SHANK2: variants seen among roughly 807,000 people sequenced by gnomAD.
SHANK2 encodes SH3 and multiple ankyrin repeat domains protein 2.
Under a neutral mutation model 133.7 loss-of-function variants are expected in SHANK2, and 43 were observed. The ratio of observed to expected loss-of-function variants is 0.32; its 90% CI spans 0.25 to 0.41. The LOEUF is 0.41. SHANK2 is among the 10% of genes least tolerant of loss of function. The pLI, the probability that SHANK2 is intolerant of heterozygous loss-of-function variation, is 1.00. For missense variants in SHANK2, 1,994 were observed against 2,235.8 expected (o/e 0.89, Z 2.18); for synonymous variants, 1,017 against 952.8 (o/e 1.07, Z -1.24).
chr11:70,708,337 C>A (rs916227505), intron 14 of SHANK2, among the ~76,000 whole-genome samples: 4 of 152,036 alleles, frequency 2.6e-5, no homozygotes, highest in African/African-American at 9.7e-5. Flanking sequence ...GCCCTGGACA[C>A]TGCATTTCTC....
chr11:71,236,797 T>C (rs1373120591), intron 1 of SHANK2, among the ~76,000 whole-genome samples: 6 of 152,218 alleles, frequency 3.9e-5, no homozygotes, highest in Non-Finnish European at 7.3e-5. Flanking sequence ...GCCTGGTTGA[T>C]AGAGCGAGAC....
chr11:70,547,222 T>C (rs1409819589), intron 17 of SHANK2, among the ~76,000 whole-genome samples: 1 of 152,210 alleles, frequency 6.6e-6, no homozygotes. Context: ...AATATTCTGC[T>C]ACTCCCCTAC....
At chr11:71,148,683 C>T (rs1185104948) in intron 2 of SHANK2, among the ~76,000 whole-genome samples, 1 of 152,174 alleles carries the variant, frequency 6.6e-6, no homozygotes, top group African/African-American at 2.4e-5. Context: ...GTTTAGGGAC[C>T]CCTTGATCAA....
intron 14 of SHANK2, among the ~76,000 whole-genome samples, chr11:70,721,724 C>A (rs934035626): frequency 1.3e-5 from 2 of 152,250 alleles, no homozygotes; most frequent in Non-Finnish European, 2.9e-5. Flanking sequence ...AGTTACCCTG[C>A]ATGCAGGACT....
chr11:70,952,874 T>C (rs1590869619), intron 10 of SHANK2: 1 of 341,512 alleles, frequency 2.9e-6, no homozygotes, highest in Non-Finnish European at 6.4e-6. Context: ...AAACCTTCCA[T>C]GCAGTCCTGT....
intron 22 of SHANK2, 142 bp from the exon 23 acceptor site, chr11:70,490,529 C>A: frequency 1.4e-6 from 1 of 731,292 alleles, no homozygotes. Flanking sequence ...TCCAGTGGGG[C>A]TGATGAGAAC....
intron 2 of SHANK2, among the ~76,000 whole-genome samples, chr11:71,216,711 G>A (rs77716438): frequency 0.02 from 2,974 of 152,184 alleles, 165 homozygotes; most frequent in Admixed American, 0.12. Context: ...ACAGCCCCAG[G>A]GACGTCGTAG....
At chr11:70,801,133 T>A (rs1261150683) in intron 13 of SHANK2, among the ~76,000 whole-genome samples, 2 of 152,214 alleles carry the variant, frequency 1.3e-5, no homozygotes, top group African/African-American at 4.8e-5. Flanking sequence ...GACTCAACAC[T>A]CCTGCCTGAC....
intron 11 of SHANK2, among the ~76,000 whole-genome samples, chr11:70,876,220 C>T (rs1201019540): frequency 2.1e-5 from 2 of 95,950 alleles, no homozygotes; most frequent in African/African-American, 3.9e-5. Context: ...CATGTATATA[C>T]ATAATACACA....
chr11:70,878,536 A>G (rs1555071789), intron 11 of SHANK2, among the ~76,000 whole-genome samples: 1 of 152,214 alleles, frequency 6.6e-6, no homozygotes, highest in African/African-American at 2.4e-5. Flanking sequence ...CTCGGGCTGC[A>G]TGGTGGGTTT....
intron 17 of SHANK2, among the ~76,000 whole-genome samples, chr11:70,531,168 A>C (rs1240223424): frequency 5.3e-5 from 8 of 151,708 alleles, no homozygotes; most frequent in African/African-American, 4.8e-5. Flanking sequence ...AAAAAAAAAA[A>C]AAAAAAAAAA....
intron 24 of SHANK2, among the ~76,000 whole-genome samples, chr11:70,488,241 G>A (rs544320528): frequency 6.6e-6 from 1 of 152,316 alleles, no homozygotes; most frequent in Non-Finnish European, 1.5e-5. Flanking sequence ...TGTCACCTGT[G>A]CATCTGAAAT....
Position 70,886,267 on chromosome 11 carries a change from G to A in SHANK2, c.1174+10234C>T, listed in dbSNP as rs191946414. On this transcript the variant is annotated intron_variant, in intron 11 of 25. Transcript: ENST00000601538. ...TGGGGGTTTTCTGTCCTTCCTCTCC[G>A]GCAATTTGTTTTGAAAATATTCTAT... Among the ~76,000 whole-genome samples, 127 of 152,266 alleles carry A rather than the reference G, an allele frequency of 8.3e-4. 1 individual carries two copies. In the East Asian group the frequency reaches 8.7e-3, roughly 10 times the overall value.
chr11:71,099,976 G>A (rs1951690895), intron 6 of SHANK2, among the ~76,000 whole-genome samples: 1 of 151,512 alleles, frequency 6.6e-6, no homozygotes. Flanking sequence ...TTGAGCCCAG[G>A]AGGTCAAGTT....
intron 17 of SHANK2, among the ~76,000 whole-genome samples, chr11:70,592,859 C>G (rs1471068130): frequency 6.6e-6 from 1 of 152,190 alleles, no homozygotes; most frequent in African/African-American, 2.4e-5. Flanking sequence ...AGAGGGACAC[C>G]CAGACATCCC....
At chr11:70,477,419 A>G (rs1218818638) in intron 25 of SHANK2, 2 of 152,232 alleles carry the variant, frequency 1.3e-5, no homozygotes, top group African/African-American at 4.8e-5. Context: ...GGAAACTCAC[A>G]AGCTTGTCTT....
intron 17 of SHANK2, among the ~76,000 whole-genome samples, chr11:70,642,809 T>C (rs182489489): frequency 1.1e-3 from 168 of 152,334 alleles, no homozygotes; most frequent in African/African-American, 3.9e-3. Context: ...TTGAGAGCCA[T>C]AATTTCACCA....
chr11:70,911,260 C>A, intron 10 of SHANK2: 1 of 448,246 alleles, frequency 2.2e-6, no homozygotes, highest in Non-Finnish European at 4.5e-6. Context: ...GAGTCTTGCT[C>A]TGTTGCCCTG....
intron 10 of SHANK2, among the ~76,000 whole-genome samples, chr11:70,911,983 G>A (rs1267352411): frequency 6.7e-6 from 1 of 149,744 alleles, no homozygotes; most frequent in African/African-American, 2.5e-5. Context: ...TTGGGAGGCT[G>A]AGGCAGGAGA....
Sources: allele counts gnomAD v4.1 joint callset (sites outside exome capture counted in the v4.1 genomes callset), GRCh38; gene constraint gnomAD v4.1.1; transcripts MANE v1.5; gene names NCBI Gene and HGNC (gene_info 2026-07-23, HGNC 2026-07-21).